Variants in TLE4 observed in about 807,000 individuals in gnomAD.
TLE4 encodes TLE family member 4, transcriptional corepressor.
Under a neutral mutation model 92.8 loss-of-function variants are expected in TLE4, and 8 were observed. That is an observed-to-expected ratio of 0.09 (90% CI 0.05 to 0.16). The LOEUF (loss-of-function observed/expected upper bound fraction) is 0.16. TLE4 is among the 10% of genes least tolerant of loss of function. The probability of loss-of-function intolerance (pLI) is 1.00; values close to 1 mark genes in which losing one functional copy is unlikely to be tolerated. For missense variants in TLE4, 675 were observed against 997.6 expected (o/e 0.68, Z 4.36); for synonymous variants, 371 against 374.1 (o/e 0.99, Z 0.10).
intron 1 of TLE4, chr9:79,573,480 G>A: frequency 1.0e-6 from 1 of 958,832 alleles, no homozygotes; most frequent in Non-Finnish European, 1.4e-6. Context: ...CCTGCGGGCG[G>A]GAGTATGCGG....
At chr9:79,698,860 TATATATATATAC>T (rs941516213) in intron 8 of TLE4, among the ~76,000 whole-genome samples, 2 of 143,894 alleles carry the variant, frequency 1.4e-5, no homozygotes, top group Admixed American at 1.4e-4. Flanking sequence ...GATTATTTCT[TATATATATATAC>T]ATATATATAT....
At chr9:79,598,029 G>A (rs1238087551) in intron 4 of TLE4, among the ~76,000 whole-genome samples, 1 of 143,914 alleles carries the variant, frequency 6.9e-6, no homozygotes, top group African/African-American at 2.6e-5. Flanking sequence ...TCAGGAGATC[G>A]AGACTATCCT....
chr9:79,661,990 A>G (rs950394980), intron 8 of TLE4, among the ~76,000 whole-genome samples: 1 of 152,128 alleles, frequency 6.6e-6, no homozygotes, highest in Non-Finnish European at 1.5e-5. Context: ...ACACACACAT[A>G]CATGTAATCC....
chr9:79,714,325 A>C (rs1930257), intron 14 of TLE4, among the ~76,000 whole-genome samples: 105,673 of 151,972 alleles, frequency 0.7, 37,472 homozygotes, highest in East Asian at 0.79. Flanking sequence ...CTTTTATAGC[A>C]TTACATTGAT....
intron 14 of TLE4, among the ~76,000 whole-genome samples, chr9:79,714,627 C>T (rs2074105323): frequency 6.6e-6 from 1 of 152,210 alleles, no homozygotes; most frequent in Non-Finnish European, 1.5e-5. Context: ...CTTTCCTTTT[C>T]AAAACACTTC....
chr9:79,598,722 C>G (rs1402464196), intron 4 of TLE4, among the ~76,000 whole-genome samples: 1 of 152,106 alleles, frequency 6.6e-6, no homozygotes, highest in African/African-American at 2.4e-5. Context: ...TACTCTCTCC[C>G]CAAAGCCAGA....
At chr9:79,579,387 C>G (rs764905112) in intron 4 of TLE4, among the ~76,000 whole-genome samples, 4 of 152,126 alleles carry the variant, frequency 2.6e-5, no homozygotes, top group Non-Finnish European at 5.9e-5. Flanking sequence ...CAGTGGTTAC[C>G]ATTCTAAAAA....
intron 4 of TLE4, among the ~76,000 whole-genome samples, chr9:79,597,147 T>A (rs1159258467): frequency 6.6e-6 from 1 of 152,118 alleles, no homozygotes; most frequent in African/African-American, 2.4e-5. Context: ...AGTCTGCTAG[T>A]TCTCCATGTG....
At chr9:79,658,358 T>C (rs1023801387) in intron 8 of TLE4, among the ~76,000 whole-genome samples, 17 of 152,202 alleles carry the variant, frequency 1.1e-4, no homozygotes, top group Non-Finnish European at 2.2e-4. Flanking sequence ...TTTCTCTGGG[T>C]ATATACACTG....
intron 4 of TLE4, among the ~76,000 whole-genome samples, chr9:79,594,800 GTTT>G (rs1449029025): frequency 2.6e-5 from 4 of 152,078 alleles, no homozygotes; most frequent in Non-Finnish European, 5.9e-5. Context: ...AGTGCATTTT[GTTT>G]TAATTTTGTT....
chr9:79,712,665 A>G (rs760321387), intron 14 of TLE4, among the ~76,000 whole-genome samples: 2 of 152,250 alleles, frequency 1.3e-5, no homozygotes, highest in Non-Finnish European at 2.9e-5. Flanking sequence ...TGTTTATTGT[A>G]TAATTCACAT....
At chr9:79,685,950 C>T (rs1011877065) in intron 8 of TLE4, among the ~76,000 whole-genome samples, 7 of 151,966 alleles carry the variant, frequency 4.6e-5, no homozygotes, top group Admixed American at 1.3e-4. Flanking sequence ...TCAGCTTCAA[C>T]TAACCACAGA....
intron 17 of TLE4, 28 bp downstream of exon 17, chr9:79,721,916 A>G: frequency 6.2e-7 from 1 of 1,601,996 alleles, no homozygotes; most frequent in Non-Finnish European, 8.5e-7. Flanking sequence ...GGCATTTTAA[A>G]GATACGGTTT....
At chr9:79,637,509 C>A (rs2056178180) in intron 6 of TLE4, among the ~76,000 whole-genome samples, 1 of 152,152 alleles carries the variant, frequency 6.6e-6, no homozygotes, top group South Asian at 2.1e-4. Flanking sequence ...CATCAATAAT[C>A]TCTTTATCTT....
chr9:79,573,291 G>A, intron 1 of TLE4: 1 of 1,031,482 alleles, frequency 9.7e-7, no homozygotes, highest in Non-Finnish European at 1.2e-6. Flanking sequence ...GAGGGTGGCG[G>A]CCGCCTCCCT....
intron 6 of TLE4, among the ~76,000 whole-genome samples, 173 bp from the exon 7 acceptor site, chr9:79,652,420 C>A (rs935497591): frequency 6.6e-6 from 1 of 152,150 alleles, no homozygotes; most frequent in Non-Finnish European, 1.5e-5. Flanking sequence ...ATCTCCTGAC[C>A]TCGTGATCCG....
intron 8 of TLE4, among the ~76,000 whole-genome samples, chr9:79,678,202 T>G (rs1162506501): frequency 6.6e-6 from 1 of 152,142 alleles, no homozygotes; most frequent in East Asian, 1.9e-4. Context: ...TTCATCAAGT[T>G]ATGTACGTGA....
chr9:79,590,267 A>G (rs909362900), intron 4 of TLE4, among the ~76,000 whole-genome samples: 1 of 152,234 alleles, frequency 6.6e-6, no homozygotes, highest in Non-Finnish European at 1.5e-5. Flanking sequence ...AGGGGAAGAC[A>G]AAACACTTGT....
intron 8 of TLE4, among the ~76,000 whole-genome samples, chr9:79,682,121 A>G (rs931915455): frequency 5.3e-5 from 8 of 152,110 alleles, no homozygotes; most frequent in African/African-American, 1.9e-4. Flanking sequence ...TCTTAAGTTA[A>G]AACTTTATTT....
Sources: gnomAD v4.1 joint callset for allele counts (sites outside exome capture counted in the v4.1 genomes callset) on GRCh38, gnomAD v4.1.1 for gene constraint, MANE v1.5 for transcripts, NCBI Gene and HGNC (gene_info 2026-07-23, HGNC 2026-07-21) for gene names.